The following PCDH19 variants were observed in gnomAD, a reference collection of about 807,000 sequenced individuals.
PCDH19 encodes the protein protocadherin 19.
A neutral mutation model predicts 46.2 loss-of-function variants in PCDH19; 6 were observed. The ratio of observed to expected loss-of-function variants is 0.13; its 90% CI spans 0.07 to 0.26. The LOEUF is 0.26. PCDH19 is among the 10% of genes least tolerant of loss of function. The pLI is 1.00. For missense variants in PCDH19, 740 were observed against 972.3 expected, an observed-to-expected ratio of 0.76 and a Z score of 3.18; for synonymous variants, 481 against 415.7, an observed-to-expected ratio of 1.16 and a Z score of -1.91.
At position 100,296,757 on chromosome X, in the gene PCDH19, G is replaced by A. The variant is rs762512388; in HGVS notation, c.2967C>T (p.Asn989=). The A allele has an allele frequency of 2.5e-6, 3 of 1,211,391 alleles. No individual in the cohort carries two copies. Among genetic ancestry groups the A allele is most frequent in the East Asian group, 5.9e-5 (2 of 33,814 alleles). The stretch of plus-strand genomic sequence containing the variant: ...TAGCTTCAATAGACAGCGCGATGAT[G>A]TTCCTCACATGCTCAGGGGACTTGG... ...IRSKSPEHVR[N]IIALSIEATA... Residue 989 remains asparagine (N), a synonymous_variant, in exon 6 of 6, where the codon AAC becomes AAT. Transcript: ENST00000373034.
chrX:100,362,243 C>T (rs1392724939), intron 3 of PCDH19, among the ~76,000 whole-genome samples: 1 of 110,723 alleles, frequency 9.0e-6, no homozygotes, highest in African/African-American at 3.3e-5. Flanking sequence ...ATGTACACAC[C>T]TTTCTCTCGA....
At chrX:100,402,467 G>A (rs1382381300) in intron 3 of PCDH19, 57 bp downstream of exon 3, 22 of 998,234 alleles carry the variant, frequency 2.2e-5, no homozygotes, top group Non-Finnish European at 3.1e-5. Context: ...GGTATCCAGC[G>A]AGCAGCTAAA....
chrX:100,396,379 T>C (rs1928026413), intron 3 of PCDH19, among the ~76,000 whole-genome samples: 1 of 111,415 alleles, frequency 9.0e-6, no homozygotes, highest in South Asian at 3.8e-4. Flanking sequence ...CATCCTACCT[T>C]GTAAGTCTGA....
At chrX:100,396,996 C>G (rs1488261698) in intron 3 of PCDH19, among the ~76,000 whole-genome samples, 3 of 111,938 alleles carry the variant, frequency 2.7e-5, no homozygotes, top group African/African-American at 9.7e-5. Context: ...ACAAACAAGA[C>G]GCGCACTAAA....
At position 100,350,665 on chromosome X, in the gene PCDH19, G is replaced by A. The variant is rs756414485; in HGVS notation, c.2656C>T (p.Arg886Ter). The change falls in exon 4 of 6, where the codon CGA (arginine) becomes TGA (stop). Residue 886 changes from arginine (R) to a stop codon, truncating the protein, a stop_gained. Coordinates refer to ENST00000373034, the MANE Select transcript of PCDH19 (RefSeq NM_001184880.2). LOFTEE classifies it high-confidence loss of function. Reference sequence around the variant, plus strand: ...ACATACCTCTTGATTAAATGGGCTCGGCTATTCACGTAGTTGGAGTCAAAA... The same window carrying A: ...ACATACCTCTTGATTAAATGGGCTCAGCTATTCACGTAGTTGGAGTCAAAA... ...YSFDSNYVNS[R>*]AHLIKSSSTF... is the part of the protein sequence containing the mutation. 8.4e-7 allele frequency: 1 copy of A among 1,189,975 alleles called. No homozygotes were observed. Among genetic ancestry groups the A allele is most frequent in the Non-Finnish European group, 1.1e-6 (1 of 875,703 alleles).
intron 3 of PCDH19, among the ~76,000 whole-genome samples, chrX:100,353,499 T>C (rs965131412): frequency 8.9e-6 from 1 of 111,868 alleles, no homozygotes; most frequent in Non-Finnish European, 1.9e-5. Flanking sequence ...AGCAATACCA[T>C]GCACATTGTA....
At position 100,410,237 on chromosome X, in the gene PCDH19, A is replaced by ACTG. The variant is rs1385362527; in HGVS notation, c.-1643_-1641dup. On this transcript the variant is annotated 5_prime_UTR_variant, in exon 1 of 6. Coordinates refer to ENST00000373034, the MANE Select transcript of PCDH19 (RefSeq NM_001184880.2). The stretch of plus-strand genomic sequence containing the variant: ...CCGCGCTGCGCCAGCCGCCGCCGCT[A>ACTG]CTGCTGCTGCTGCTCCTCCGGATGC... 4.7e-5 allele frequency: 14 copies of ACTG among 297,072 alleles called. No homozygotes were observed. The highest frequency in any genetic ancestry group is 2.0e-4 in the South Asian group (1 of 4,971). 24.5% of individuals were successfully genotyped at this position (297,072 alleles called of 1,213,427 possible).
chrX:100,322,865 A>ATATATATATTTTTTT, intron 5 of PCDH19, among the ~76,000 whole-genome samples: 84 of 54,390 alleles, frequency 1.5e-3, no homozygotes, highest in Non-Finnish European at 2.3e-3. Context: ...ATATATATAT[A>ATATATATATTTTTTT]TTTTTGCAGC....
rs776150934 is a variant in PCDH19 at position 100,406,630 on chromosome X, A to C, written c.1968T>G (p.Ala656=). 1.7e-6 allele frequency: 2 copies of C among 1,211,605 alleles called. No individual in the cohort carries two copies. Among genetic ancestry groups the C allele is most frequent in the Non-Finnish European group, 2.2e-6 (2 of 895,461 alleles). Residue 656 remains alanine, a synonymous_variant, in exon 1 of 6, where the codon GCT becomes GCG. Transcript: ENST00000373034. ...CAGGGGACAAGTAGATTAGGACGAG[A>C]GCAGAGGCAGAGAGAGATGTCTTGC... ...DHGKTSLSAS[A]LVLIYLSPAL...
intron 5 of PCDH19, among the ~76,000 whole-genome samples, chrX:100,333,167 A>AAGGG (rs1569294655): frequency 5.8e-5 from 2 of 34,393 alleles, no homozygotes; most frequent in African/African-American, 8.5e-5. Context: ...GGAAGGAAGG[A>AAGGG]AGGAAGGGAG....
At chrX:100,372,105 C>T (rs764010259) in intron 3 of PCDH19, among the ~76,000 whole-genome samples, 7 of 111,070 alleles carry the variant, frequency 6.3e-5, no homozygotes, top group Non-Finnish European at 7.5e-5. Context: ...GGAGTGGTGG[C>T]GCACGCCTGT....
chrX:100,300,431 G>C (rs1181876079), intron 5 of PCDH19, among the ~76,000 whole-genome samples: 1 of 111,669 alleles, frequency 9.0e-6, no homozygotes, highest in Non-Finnish European at 1.9e-5. Flanking sequence ...AGCTTATATA[G>C]AGAGATGGGC....
At chrX:100,303,132 T>C (rs1474777807) in intron 5 of PCDH19, among the ~76,000 whole-genome samples, 1 of 111,217 alleles carries the variant, frequency 9.0e-6, no homozygotes, top group Non-Finnish European at 1.9e-5. Context: ...CCCTCTAACA[T>C]CCCGTTGAAA....
At chrX:100,353,328 T>C (rs1926621922) in intron 3 of PCDH19, among the ~76,000 whole-genome samples, 1 of 112,190 alleles carries the variant, frequency 8.9e-6, no homozygotes, top group African/African-American at 3.2e-5. Flanking sequence ...ATTTAAAGAA[T>C]CTGTCTTTAC....
rs368465446 is a variant in PCDH19, at chrX:100,407,380, C to G, written c.1218G>C (p.Leu406=). The G allele has an allele frequency of 1.2e-5, 15 of 1,210,898 alleles. No individual in the cohort carries two copies. In the African/African-American group the frequency reaches 2.4e-4, roughly 20 times the overall value. Residue 406 remains leucine (L), a synonymous_variant, in exon 1 of 6, where the codon CTG becomes CTC. Coordinates refer to ENST00000373034, the MANE Select transcript of PCDH19 (RefSeq NM_001184880.2). ...LQEYESFSTI[L]VDGRLDREQH... ...GCTCGCGGTCCAGCCGTCCGTCCACCAGAATAGTGGAGAAGCTCTCATATT... is the reference window on the plus strand; with the variant it reads ...GCTCGCGGTCCAGCCGTCCGTCCACGAGAATAGTGGAGAAGCTCTCATATT...
At chrX:100,395,129 C>T (rs888407182) in intron 3 of PCDH19, among the ~76,000 whole-genome samples, 1 of 111,020 alleles carries the variant, frequency 9.0e-6, no homozygotes, top group Non-Finnish European at 1.9e-5. Flanking sequence ...CCTCGTGATC[C>T]GCCCGCCTCG....
intron 5 of PCDH19, among the ~76,000 whole-genome samples, chrX:100,314,748 C>T (rs766773054): frequency 4.4e-4 from 49 of 111,420 alleles, no homozygotes; most frequent in African/African-American, 1.6e-3. Context: ...ATGGAATTGC[C>T]GTTACAAAAT....
At position 100,291,839 on chromosome X, in the gene PCDH19, TTG is replaced by T. The variant is rs1924433222; in HGVS notation, c.*4436_*4437del. On this transcript the variant is annotated 3_prime_UTR_variant, in exon 6 of 6. Coordinates refer to ENST00000373034, the MANE Select transcript of PCDH19 (RefSeq NM_001184880.2). ...TAAAATAGACAGTGGTGATTCTTTT[TTG>T]TCTTTTTTCTTTTTACAATGATTCA... 1 of 113,101 alleles carries T rather than the reference TTG, an allele frequency of 8.8e-6. No individual in the cohort carries two copies. Among genetic ancestry groups the T allele is most frequent in the Admixed American group, 9.3e-5 (1 of 10,717 alleles). 9.3% of individuals were successfully genotyped at this position (113,101 alleles called of 1,213,427 possible).
At position 100,296,198 on chromosome X, in the gene PCDH19, T is replaced by C. The variant is rs1924593858; in HGVS notation, c.*79A>G. 5.1e-6 allele frequency: 4 copies of C among 779,581 alleles called. No homozygotes were observed. The highest frequency in any genetic ancestry group is 2.2e-5 in the Admixed American group (1 of 45,388). The allele number at this position is 779,581 out of a possible 1,213,427, so 64.2% of individuals were successfully genotyped here. On this transcript the variant is annotated 3_prime_UTR_variant, in exon 6 of 6. Coordinates refer to ENST00000373034, the MANE Select transcript of PCDH19 (RefSeq NM_001184880.2). ...AATATAGCCACTCAAGAACCAACCATTGGTGAGCAATTAAAACAAGAAGCT... is the reference window on the plus strand; with the variant it reads ...AATATAGCCACTCAAGAACCAACCACTGGTGAGCAATTAAAACAAGAAGCT...
Sources: allele counts gnomAD v4.1 joint callset (sites outside exome capture counted in the v4.1 genomes callset), GRCh38; gene constraint gnomAD v4.1.1; transcripts MANE v1.5; gene names NCBI Gene and HGNC (gene_info 2026-07-23, HGNC 2026-07-21).